Variants in NRXN1 observed in about 807,000 individuals in gnomAD.
The protein encoded by NRXN1 is neurexin 1.
Under a neutral mutation model 150.9 loss-of-function variants are expected in NRXN1, and 39 were observed. The observed-to-expected ratio is 0.26, with a 90% confidence interval of 0.20 to 0.34. The LOEUF is 0.34. Among genes scored for constraint, NRXN1 ranks in the 10% least tolerant of loss-of-function variants. The probability of loss-of-function intolerance (pLI) is 1.00; values close to 1 mark genes in which losing one functional copy is unlikely to be tolerated. For missense variants in NRXN1, 1,815 were observed against 1,949.9 expected (o/e 0.93, Z 1.30); for synonymous variants, 924 against 757.0 (o/e 1.22, Z -3.62).
intron 18 of NRXN1, among the ~76,000 whole-genome samples, chr2:50,104,415 T>G (rs756852963): frequency 1.3e-5 from 2 of 152,002 alleles, no homozygotes; most frequent in Non-Finnish European, 2.9e-5. Context: ...AAAAATGCAC[T>G]GAGAGATTAA....
intron 17 of NRXN1, among the ~76,000 whole-genome samples, chr2:50,368,643 T>A (rs2079780705): frequency 6.6e-6 from 1 of 152,098 alleles, no homozygotes; most frequent in South Asian, 2.1e-4. Flanking sequence ...ATATTCAGTC[T>A]AAAGTAACAG....
At chr2:50,828,262 G>T (rs1234468689) in intron 5 of NRXN1, among the ~76,000 whole-genome samples, 4 of 147,446 alleles carry the variant, frequency 2.7e-5, no homozygotes, top group African/African-American at 1.0e-4. Context: ...GCGGCTGGCC[G>T]GGCGGGGGGC....
At chr2:50,661,297 G>A (rs536896537) in intron 5 of NRXN1, among the ~76,000 whole-genome samples, 1 of 152,104 alleles carries the variant, frequency 6.6e-6, no homozygotes, top group Non-Finnish European at 1.5e-5. Flanking sequence ...AAGAACTCAC[G>A]AGATATGTCT....
At chr2:50,661,908 T>G (rs904889602) in intron 5 of NRXN1, among the ~76,000 whole-genome samples, 6 of 152,046 alleles carry the variant, frequency 3.9e-5, no homozygotes, top group Non-Finnish European at 8.8e-5. Flanking sequence ...CTTCTTAGAC[T>G]TGCAGAGGCT....
intron 17 of NRXN1, among the ~76,000 whole-genome samples, chr2:50,324,118 T>C (rs1284024884): frequency 6.6e-6 from 1 of 152,094 alleles, no homozygotes; most frequent in Non-Finnish European, 1.5e-5. Context: ...TTAGCAAAAC[T>C]AAACTTCAGG....
intron 5 of NRXN1, among the ~76,000 whole-genome samples, chr2:50,702,614 T>C (rs1693905071): frequency 6.6e-6 from 1 of 152,120 alleles, no homozygotes. Context: ...AACAACAGTA[T>C]TTCATACTTT....
rs184262772 is a variant in NRXN1 at position 50,906,188 on chromosome 2, T to A, written c.832+15681A>T. 3.2e-3 allele frequency among the ~76,000 whole-genome samples: 484 copies of A among 152,260 alleles called. 3 individuals carry two copies. Among genetic ancestry groups the A allele is most frequent in the Non-Finnish European group, 4.7e-3 (323 of 68,018 alleles). On this transcript the variant is annotated intron_variant, in intron 5 of 22. Transcript: ENST00000401669. ...ATACCAAGTAGATTAATATCATATT[T>A]GTAGATAACACAGGGATAGAATTAC...
intron 2 of NRXN1, among the ~76,000 whole-genome samples, chr2:50,955,611 T>C (rs576538612): frequency 6.6e-5 from 10 of 152,216 alleles, no homozygotes; most frequent in African/African-American, 2.4e-4. Context: ...CATTTTTATA[T>C]ATGAGTAGAA....
At chr2:50,048,226 A>G (rs966983990) in intron 21 of NRXN1, among the ~76,000 whole-genome samples, 1 of 152,190 alleles carries the variant, frequency 6.6e-6, no homozygotes, top group Non-Finnish European at 1.5e-5. Flanking sequence ...ATTTTAAAAT[A>G]CACATCAAAG....
intron 17 of NRXN1, among the ~76,000 whole-genome samples, chr2:50,325,532 G>T (rs979451024): frequency 6.6e-5 from 10 of 152,222 alleles, no homozygotes; most frequent in Non-Finnish European, 1.3e-4. Flanking sequence ...TTTTACAAAT[G>T]AGAAAACGTG....
At chr2:50,337,811 A>G (rs1435606027) in intron 17 of NRXN1, among the ~76,000 whole-genome samples, 1 of 152,254 alleles carries the variant, frequency 6.6e-6, no homozygotes, top group Non-Finnish European at 1.5e-5. Flanking sequence ...ATTAAAAAGA[A>G]AAAAACACAA....
chr2:50,709,761 A>G (rs781352375), intron 5 of NRXN1, among the ~76,000 whole-genome samples: 6 of 152,186 alleles, frequency 3.9e-5, no homozygotes, highest in Non-Finnish European at 7.4e-5. Flanking sequence ...GGAATGAACT[A>G]TTCATTGGTT....
At chr2:50,569,006 C>G (rs1670263099) in intron 8 of NRXN1, among the ~76,000 whole-genome samples, 1 of 152,000 alleles carries the variant, frequency 6.6e-6, no homozygotes, top group Admixed American at 6.6e-5. Context: ...ATGGCTGAAA[C>G]TGGAGGTCAT....
chr2:50,500,281 A>C (rs1178409027), intron 13 of NRXN1, among the ~76,000 whole-genome samples: 2 of 152,150 alleles, frequency 1.3e-5, no homozygotes, highest in African/African-American at 4.8e-5. Flanking sequence ...TAGAATATGC[A>C]CACAGAGCAT....
At chr2:50,301,512 AC>A (rs2074147975) in intron 17 of NRXN1, among the ~76,000 whole-genome samples, 2 of 152,150 alleles carry the variant, frequency 1.3e-5, no homozygotes, top group African/African-American at 4.8e-5. Context: ...AAATTGCATA[AC>A]TGTGTTTAGA....
rs529298163 is a variant in NRXN1, at chr2:50,254,265, CT to C, written c.3365-17296del. Among the ~76,000 whole-genome samples the C allele has an allele frequency of 5.2e-3, 777 of 150,002 alleles. 4 individuals are homozygous for C. The highest frequency in any genetic ancestry group is 9.2e-3 in the Non-Finnish European group (625 of 67,630). ...TCTGTGGGGTCAGTGATGATATCCCCTTTATCATTTTTTATTGTGTCAATTT... is the reference window on the plus strand; with the variant it reads ...TCTGTGGGGTCAGTGATGATATCCCCTTATCATTTTTTATTGTGTCAATTT... On this transcript the variant is annotated intron_variant, in intron 17 of 22. Transcript: ENST00000401669.
chr2:50,917,794 C>A, intron 5 of NRXN1: 1 of 151,578 alleles, frequency 6.6e-6, no homozygotes, highest in Non-Finnish European at 1.5e-5. Context: ...CTGTTACTTA[C>A]AAGCTACCCA....
At chr2:50,542,389 A>G (rs948703440) in intron 9 of NRXN1, among the ~76,000 whole-genome samples, 1 of 152,174 alleles carries the variant, frequency 6.6e-6, no homozygotes, top group Non-Finnish European at 1.5e-5. Context: ...TCCAAGAAAG[A>G]CTAGAACTTA....
intron 5 of NRXN1, among the ~76,000 whole-genome samples, chr2:50,906,590 A>G (rs1683706907): frequency 6.6e-6 from 1 of 152,088 alleles, no homozygotes; most frequent in Non-Finnish European, 1.5e-5. Context: ...CTCTTGCCAG[A>G]ATAATCTTTT....
Sources: gnomAD v4.1 joint callset for allele counts (sites outside exome capture counted in the v4.1 genomes callset) on GRCh38, gnomAD v4.1.1 for gene constraint, MANE v1.5 for transcripts, NCBI Gene and HGNC (gene_info 2026-07-23, HGNC 2026-07-21) for gene names.